Variants in COPS7B observed in about 807,000 individuals in gnomAD.
COPS7B encodes COP9 signalosome subunit 7B, also known as COP9 signalosome complex subunit 7b.
In COPS7B, 9 loss-of-function variants were observed where a neutral mutation model predicts 33.4. The observed-to-expected ratio is 0.27, with a 90% confidence interval of 0.16 to 0.47. The LOEUF (loss-of-function observed/expected upper bound fraction) is 0.47. Among genes scored for constraint, COPS7B ranks in the 20% least tolerant of loss-of-function variants. COPS7B has a pLI of 0.99. For synonymous variants in COPS7B, 119 were observed against 126.3 expected (o/e 0.94, Z 0.39); for missense variants, 242 against 318.2 (o/e 0.76, Z 1.82).
intron 5 of COPS7B, among the ~76,000 whole-genome samples, chr2:231,797,161 C>T (rs1267356758): frequency 2.0e-5 from 3 of 152,194 alleles, no homozygotes; most frequent in Non-Finnish European, 4.4e-5. Flanking sequence ...GCTTTGTACA[C>T]AGGTTCGGGA....
chr2:231,806,765 T>C (rs1381838938), intron 6 of COPS7B, among the ~76,000 whole-genome samples: 1 of 152,094 alleles, frequency 6.6e-6, no homozygotes, highest in Non-Finnish European at 1.5e-5. Flanking sequence ...CTTCTAGGAG[T>C]ATCTTCCATA....
At position 231,807,805 on chromosome 2, in the gene COPS7B, A is replaced by C; in HGVS notation, c.*160A>C. 3 of 590,618 alleles carry C rather than the reference A, an allele frequency of 5.1e-6. No homozygotes were observed. The highest frequency in any genetic ancestry group is 3.4e-5 in the Admixed American group (1 of 29,678). The allele number at this position is 590,618 out of a possible 1,614,324, so 36.6% of individuals were successfully genotyped here. ...TTGGTACTGTTCCAGAAAAACTGTTACTCCCCCTCACCCACTCCCTCCTTC... is the reference window on the plus strand; with the variant it reads ...TTGGTACTGTTCCAGAAAAACTGTTCCTCCCCCTCACCCACTCCCTCCTTC... On this transcript the variant is annotated 3_prime_UTR_variant, in exon 7 of 7. Coordinates refer to ENST00000350033, the MANE Select transcript of COPS7B (RefSeq NM_022730.4).
intron 3 of COPS7B, chr2:231,793,987 G>A: frequency 2.5e-6 from 1 of 403,466 alleles, no homozygotes; most frequent in East Asian, 4.6e-5. Context: ...ATGTCACAAG[G>A]GGCACAAATA....
chr2:231,788,826 G>A (rs577863905), intron 2 of COPS7B, 94 bp downstream of exon 2: 1 of 1,194,598 alleles, frequency 8.4e-7, no homozygotes. Flanking sequence ...TTGTGAACCT[G>A]TGAGGTACCC....
At chr2:231,801,312 T>C in intron 6 of COPS7B, 1 of 1,511,214 alleles carries the variant, frequency 6.6e-7, no homozygotes, top group South Asian at 1.3e-5. Context: ...TAACCCATAT[T>C]AGTTCCTAGT....
intron 6 of COPS7B, chr2:231,801,353 GTTTCATTA>G: frequency 7.0e-7 from 1 of 1,428,576 alleles, no homozygotes; most frequent in South Asian, 1.5e-5. Flanking sequence ...ATTATGAGCT[GTTTCATTA>G]TTTCTGAGGA....
At chr2:231,790,489 T>C (rs938381788) in intron 2 of COPS7B, 1 of 152,236 alleles carries the variant, frequency 6.6e-6, no homozygotes, top group Non-Finnish European at 1.5e-5. Context: ...GAGTTCTCCA[T>C]AGGGTGCTTA....
At chr2:231,801,059 C>A in intron 6 of COPS7B, 1 of 1,119,046 alleles carries the variant, frequency 8.9e-7, no homozygotes, top group Non-Finnish European at 1.3e-6. Context: ...GTATTTATGC[C>A]TCTGTTACCC....
At chr2:231,788,162 A>C (rs1335425907) in intron 1 of COPS7B, among the ~76,000 whole-genome samples, 6 of 132,876 alleles carry the variant, frequency 4.5e-5, no homozygotes, top group African/African-American at 1.8e-4. Flanking sequence ...TTTTTGAGAC[A>C]GTCTCGCTCT....
chr2:231,797,928 C>T (rs1434317686), intron 5 of COPS7B, among the ~76,000 whole-genome samples: 1 of 152,156 alleles, frequency 6.6e-6, no homozygotes, highest in East Asian at 1.9e-4. Context: ...GCTCTTGTTG[C>T]CCAGGCTGGA....
chr2:231,782,864 G>T (rs2106297401), upstream of COPS7B, among the ~76,000 whole-genome samples: 1 of 152,096 alleles, frequency 6.6e-6, no homozygotes, highest in African/African-American at 2.4e-5. Context: ...ATACAGTATG[G>T]GAACAATTTT....
At chr2:231,801,055 A>AT (rs1443538375) in intron 6 of COPS7B, 108 of 1,049,038 alleles carry the variant, frequency 1.0e-4, no homozygotes, top group Non-Finnish European at 1.5e-4. Context: ...GTTTGTATTT[A>AT]TGCCTCTGTT....
chr2:231,786,298 C>T (rs1312467708), upstream of COPS7B: 1 of 323,482 alleles, frequency 3.1e-6, no homozygotes, highest in Non-Finnish European at 4.5e-6. Context: ...AGACTCTTCC[C>T]CGCCCCCTCG....
rs898976173 is a variant in COPS7B at position 231,788,629 on chromosome 2, A to G, written c.59A>G (p.Lys20Arg). 4 of 1,613,858 alleles carry G rather than the reference A, an allele frequency of 2.5e-6. No individual in the cohort carries two copies. The Admixed American group carries it at 6.7e-5, about 27-fold the overall frequency. Reference protein sequence around the residue: ...NLLEQFILLAKGTSGSALTAL... With the variant: ...NLLEQFILLARGTSGSALTAL... ...CTGGAGCAGTTTATTTTACTAGCCAAAGGTACCAGTGGCTCAGCCCTCACT... is the reference window on the plus strand; with the variant it reads ...CTGGAGCAGTTTATTTTACTAGCCAGAGGTACCAGTGGCTCAGCCCTCACT... Residue 20 changes from lysine to arginine, a missense_variant, in exon 2 of 7, where the codon AAA becomes AGA. Physicochemically the swap from Lys to Arg is conservative, Grantham distance 26. Coordinates refer to ENST00000350033, the MANE Select transcript of COPS7B (RefSeq NM_022730.4).
intron 2 of COPS7B, chr2:231,791,458 T>C (rs1009696350): frequency 9.1e-5 from 39 of 427,450 alleles, no homozygotes; most frequent in African/African-American, 7.7e-4. Context: ...GCTTAATGCT[T>C]TGTATGTGTG....
At position 231,786,655 on chromosome 2, in the gene COPS7B, T is replaced by C. The variant is rs1373241844; in HGVS notation, c.-17+117T>C. 6 of 347,670 alleles carry C rather than the reference T, an allele frequency of 1.7e-5. 1 individual carries two copies. In the South Asian group the frequency reaches 4.6e-4, roughly 27 times the overall value. The allele number at this position is 347,670 out of a possible 1,614,324, so 21.5% of individuals were successfully genotyped here. Reference sequence around the variant, plus strand: ...CGGCCGTGCCCGCCCCGCCCCCGCCTTGGGGAGCGCGTCCCGCGGCTCCTC... The same window carrying C: ...CGGCCGTGCCCGCCCCGCCCCCGCCCTGGGGAGCGCGTCCCGCGGCTCCTC... On this transcript the variant is annotated intron_variant, in intron 1 of 6. Transcript: ENST00000350033.
Position 231,807,990 on chromosome 2 carries a change from A to C in COPS7B, c.*345A>C. The stretch of plus-strand genomic sequence containing the variant: ...CACGTCATTTTGTCAGGCTGGTTAT[A>C]AGCCGGAGGCAGCTTTAACCAGCCC... On this transcript the variant is annotated 3_prime_UTR_variant, in exon 7 of 7. Transcript: ENST00000350033. The C allele has an allele frequency of 4.8e-6, 1 of 206,426 alleles. No homozygotes were observed. Among genetic ancestry groups the C allele is most frequent in the Admixed American group, 5.6e-5 (1 of 17,960 alleles). 12.8% of individuals were successfully genotyped at this position (206,426 alleles called of 1,614,324 possible).
chr2:231,798,986 T>A, intron 6 of COPS7B, 22 bp downstream of exon 6: 1 of 1,592,606 alleles, frequency 6.3e-7, no homozygotes, highest in Non-Finnish European at 8.6e-7. Flanking sequence ...AAGGAACATT[T>A]GTTTCTCTCT....
chr2:231,782,881 G>C (rs2049161824), upstream of COPS7B, among the ~76,000 whole-genome samples: 1 of 151,888 alleles, frequency 6.6e-6, no homozygotes, highest in Non-Finnish European at 1.5e-5. Context: ...TTTTCACATA[G>C]GTATACACCC....
Sources: allele counts gnomAD v4.1 joint callset (sites outside exome capture counted in the v4.1 genomes callset), GRCh38; gene constraint gnomAD v4.1.1; transcripts MANE v1.5; gene names NCBI Gene and HGNC (gene_info 2026-07-23, HGNC 2026-07-21).